WWOX: variants seen among roughly 807,000 people sequenced by gnomAD.
WWOX encodes the protein WW domain-containing oxidoreductase.
WWOX carries 69 observed loss-of-function variants against 46.2 expected under a neutral mutation model. That is an observed-to-expected ratio of 1.49 (90% confidence interval 1.23 to 1.82). The LOEUF (loss-of-function observed/expected upper bound fraction) is 1.82. WWOX is among the 40% of genes most tolerant of loss of function. WWOX has a pLI of 0.00. For missense variants in WWOX, 919 were observed against 542.6 expected, an observed-to-expected ratio of 1.69 and a Z score of -6.89; for synonymous variants, 359 against 202.6, an observed-to-expected ratio of 1.77 and a Z score of -6.56.
intron 8 of WWOX, among the ~76,000 whole-genome samples, chr16:78,769,689 G>A (rs905330345): frequency 6.6e-6 from 1 of 151,132 alleles, no homozygotes; most frequent in African/African-American, 2.4e-5. Flanking sequence ...AGCTACAACA[G>A]GGTTTTGGCT....
chr16:78,143,345 G>A lies in WWOX; in HGVS notation c.410-20838G>A, dbSNP rs142093775. Among the ~76,000 whole-genome samples, 839 of 152,200 alleles carry A rather than the reference G, an allele frequency of 5.5e-3. 5 individuals are homozygous for A. Among genetic ancestry groups the A allele is most frequent in the Middle Eastern group, 0.021 (6 of 292 alleles). On this transcript the variant is annotated intron_variant, in intron 4 of 8. Coordinates refer to ENST00000566780, the MANE Select transcript of WWOX (RefSeq NM_016373.4). ...ATCTACAGATCAAGGTCATCTTCACGTCTTTAGTTCTTGTTTTGCTTCAGG... is the reference window on the plus strand; with the variant it reads ...ATCTACAGATCAAGGTCATCTTCACATCTTTAGTTCTTGTTTTGCTTCAGG...
At chr16:78,568,840 A>G (rs751385969) in intron 8 of WWOX, among the ~76,000 whole-genome samples, 1 of 152,224 alleles carries the variant, frequency 6.6e-6, no homozygotes, top group Admixed American at 6.5e-5. Flanking sequence ...AGTGTGTGCA[A>G]GTAAGTTTGT....
chr16:78,468,687 C>T (rs932168760), intron 8 of WWOX, among the ~76,000 whole-genome samples: 1 of 152,156 alleles, frequency 6.6e-6, no homozygotes, highest in Non-Finnish European at 1.5e-5. Context: ...GTTACTGCAC[C>T]TGTTTGAGCC....
chr16:79,100,320 C>T (rs764775922), intron 8 of WWOX, among the ~76,000 whole-genome samples: 1 of 152,042 alleles, frequency 6.6e-6, no homozygotes, highest in Admixed American at 6.5e-5. Context: ...ATTTTTGTTC[C>T]TAAAACATAA....
intron 8 of WWOX, among the ~76,000 whole-genome samples, chr16:78,476,072 C>G (rs1371871647): frequency 6.6e-6 from 1 of 152,060 alleles, no homozygotes; most frequent in African/African-American, 2.4e-5. Flanking sequence ...AGGAATTGCC[C>G]CTGGAATCCC....
chr16:78,567,808 C>T (rs979858811), intron 8 of WWOX, among the ~76,000 whole-genome samples: 6 of 151,964 alleles, frequency 3.9e-5, no homozygotes, highest in African/African-American at 9.7e-5. Flanking sequence ...AGCCTCCAGC[C>T]GGGGTGGTCT....
intron 5 of WWOX, among the ~76,000 whole-genome samples, chr16:78,202,339 A>G (rs2036257109): frequency 6.6e-6 from 1 of 152,222 alleles, no homozygotes; most frequent in African/African-American, 2.4e-5. Context: ...CCCTTGGCCC[A>G]TGCCTCATCC....
chr16:78,549,170 C>T (rs767225903), intron 8 of WWOX, among the ~76,000 whole-genome samples: 22 of 151,976 alleles, frequency 1.4e-4, no homozygotes, highest in Admixed American at 1.2e-3. Flanking sequence ...GATTGCCGGT[C>T]GTAAAGGAGG....
Position 78,970,690 on chromosome 16 carries a change from T to G in WWOX, c.1057-240918T>G, listed in dbSNP as rs189544171. 2.0e-3 allele frequency among the ~76,000 whole-genome samples: 312 copies of G among 152,220 alleles called. 1 individual carries two copies. The highest frequency in any genetic ancestry group is 7.3e-3 in the African/African-American group (304 of 41,532). On this transcript the variant is annotated intron_variant, in intron 8 of 8. Transcript: ENST00000566780. ...TGAGAATTCATTTGAGGCCATAATT[T>G]AAAAAGATAGGAGGAGCCATGTGTA...
At chr16:78,493,621 G>A (rs775102296) in intron 8 of WWOX, among the ~76,000 whole-genome samples, 18 of 152,132 alleles carry the variant, frequency 1.2e-4, no homozygotes, top group Non-Finnish European at 2.2e-4. Context: ...AAAATAATGA[G>A]CTAATATGTA....
chr16:78,158,940 C>A (rs962767975), intron 4 of WWOX, among the ~76,000 whole-genome samples: 1 of 152,142 alleles, frequency 6.6e-6, no homozygotes, highest in East Asian at 1.9e-4. Flanking sequence ...GTTTCTCTCT[C>A]CCCTCAGCCC....
chr16:78,424,105 TTC>T (rs1476485431), intron 6 of WWOX, among the ~76,000 whole-genome samples: 35 of 117,252 alleles, frequency 3.0e-4, no homozygotes, highest in African/African-American at 1.2e-3. Context: ...TTCTTTTCTT[TTC>T]TTTTTTTTTT....
At chr16:78,880,010 A>C (rs750698317) in intron 8 of WWOX, among the ~76,000 whole-genome samples, 1 of 152,234 alleles carries the variant, frequency 6.6e-6, no homozygotes, top group Admixed American at 6.5e-5. Flanking sequence ...TTAGATGACC[A>C]AGAATTTATA....
chr16:78,284,829 C>A (rs953356901), intron 5 of WWOX, among the ~76,000 whole-genome samples: 12 of 152,322 alleles, frequency 7.9e-5, no homozygotes, highest in African/African-American at 2.9e-4. Flanking sequence ...TTTCCTTTAT[C>A]TGTTTCAAGA....
intron 8 of WWOX, among the ~76,000 whole-genome samples, chr16:78,995,839 G>A (rs941502903): frequency 1.3e-5 from 2 of 152,178 alleles, no homozygotes; most frequent in African/African-American, 4.8e-5. Flanking sequence ...GTGGCCTGAA[G>A]GAAGTGTAAA....
intron 4 of WWOX, among the ~76,000 whole-genome samples, chr16:78,160,345 G>A (rs34512533): frequency 0.19 from 29,454 of 151,950 alleles, 2,985 homozygotes; most frequent in Non-Finnish European, 0.22. Flanking sequence ...GGCTGGTCTC[G>A]AACTCTTGGG....
At chr16:78,788,868 G>T (rs1475703037) in intron 8 of WWOX, among the ~76,000 whole-genome samples, 1 of 152,224 alleles carries the variant, frequency 6.6e-6, no homozygotes, top group African/African-American at 2.4e-5. Context: ...CACGTAGACA[G>T]TGTCAGGATT....
chr16:79,022,105 A>T (rs1264917725), intron 8 of WWOX, among the ~76,000 whole-genome samples: 2 of 152,242 alleles, frequency 1.3e-5, no homozygotes, highest in Non-Finnish European at 2.9e-5. Context: ...GGAAACCATG[A>T]GTGCAGAGGC....
chr16:78,347,888 A>T (rs2081119701), intron 5 of WWOX, among the ~76,000 whole-genome samples: 1 of 122,196 alleles, frequency 8.2e-6, no homozygotes, highest in South Asian at 2.4e-4. Context: ...TACATATCTT[A>T]AAAGTGGATT....
Sources: gnomAD v4.1 joint callset for allele counts (sites outside exome capture counted in the v4.1 genomes callset) on GRCh38, gnomAD v4.1.1 for gene constraint, MANE v1.5 for transcripts, NCBI Gene and HGNC (gene_info 2026-07-23, HGNC 2026-07-21) for gene names.